The following LRRK1 variants were observed in gnomAD, a reference collection of about 807,000 sequenced individuals.
The protein encoded by LRRK1 is leucine rich repeat kinase 1.
A neutral mutation model predicts 209.1 loss-of-function variants in LRRK1; 113 were observed. The ratio of observed to expected loss-of-function variants is 0.54; its 90% CI spans 0.46 to 0.63. The LOEUF is 0.63. Ranked by LOEUF, LRRK1 falls within the 30% of genes least tolerant of loss-of-function variation. LRRK1 has a pLI of 0.00. For missense variants in LRRK1, 2,284 were observed against 2,632.2 expected, an observed-to-expected ratio of 0.87 and a Z score of 2.89; for synonymous variants, 1,144 against 1,099.7, an observed-to-expected ratio of 1.04 and a Z score of -0.80.
At chr15:101,037,065 AG>A in intron 20 of LRRK1, among the ~76,000 whole-genome samples, 1 of 152,284 alleles carries the variant, frequency 6.6e-6, no homozygotes, top group Non-Finnish European at 1.5e-5. Context: ...GGGTCCAGAC[AG>A]GCCTATTCTT....
At position 101,055,001 on chromosome 15, in the gene LRRK1, C is replaced by A. The variant is rs773680878; in HGVS notation, c.4110C>A (p.Ile1370=). The change falls in exon 27 of 34, where the codon ATC becomes ATA. Residue 1370 remains isoleucine (I), a synonymous_variant. Transcript: ENST00000388948. ...HMLTQKIAYQ[I]ASGLAYLHKK... ...TCACCCAAAAAATAGCCTACCAGAT[C>A]GCCTCGGGCCTGGCCTACCTGCACA... 2.5e-6 allele frequency: 4 copies of A among 1,613,700 alleles called. No homozygotes were observed. The highest frequency in any genetic ancestry group is 1.7e-5 in the Admixed American group (1 of 59,928).
At chr15:100,953,985 G>A (rs913217786) in intron 2 of LRRK1, among the ~76,000 whole-genome samples, 3 of 152,058 alleles carry the variant, frequency 2.0e-5, no homozygotes, top group Admixed American at 6.5e-5. Flanking sequence ...GCACAATCTC[G>A]GCTCACTGCA....
chr15:101,062,042 C>T (rs1331196825), intron 30 of LRRK1, among the ~76,000 whole-genome samples: 1 of 152,192 alleles, frequency 6.6e-6, no homozygotes, highest in South Asian at 2.1e-4. Flanking sequence ...ACAGATTAGC[C>T]GAAGTAGGTG....
intron 1 of LRRK1, among the ~76,000 whole-genome samples, chr15:100,922,269 T>C (rs2042033866): frequency 6.6e-6 from 1 of 152,178 alleles, no homozygotes; most frequent in African/African-American, 2.4e-5. Flanking sequence ...AAATTTGAAT[T>C]ACCTCATCTT....
intron 10 of LRRK1, among the ~76,000 whole-genome samples, chr15:101,012,725 G>A (rs576552912): frequency 1.3e-5 from 2 of 152,306 alleles, no homozygotes; most frequent in East Asian, 3.9e-4. Flanking sequence ...CCAAGGCCTG[G>A]TGCAGCCTCT....
At chr15:101,005,125 G>T (rs895405687) in intron 6 of LRRK1, among the ~76,000 whole-genome samples, 1 of 152,190 alleles carries the variant, frequency 6.6e-6, no homozygotes, top group African/African-American at 2.4e-5. Flanking sequence ...TCCATGTTCA[G>T]CTGTCTGGCC....
At chr15:101,038,243 T>C (rs1413042472) in intron 20 of LRRK1, among the ~76,000 whole-genome samples, 1 of 152,058 alleles carries the variant, frequency 6.6e-6, no homozygotes, top group East Asian at 1.9e-4. Context: ...GGATGAGAGA[T>C]AAAAAACTAC....
At chr15:101,047,105 CCTGA>C (rs2035122975) in intron 21 of LRRK1, among the ~76,000 whole-genome samples, 1 of 152,172 alleles carries the variant, frequency 6.6e-6, no homozygotes, top group Non-Finnish European at 1.5e-5. Flanking sequence ...TGGCATAATC[CCTGA>C]CTGTCAAATC....
intron 11 of LRRK1, among the ~76,000 whole-genome samples, chr15:101,015,031 A>G (rs2033461922): frequency 6.6e-6 from 1 of 152,352 alleles, no homozygotes; most frequent in South Asian, 2.1e-4. Flanking sequence ...GCCTTCCAAT[A>G]GGTGGAAAGC....
chr15:101,025,116 A>G, intron 16 of LRRK1, 149 bp downstream of exon 16: 1 of 710,006 alleles, frequency 1.4e-6, no homozygotes, highest in South Asian at 2.9e-5. Context: ...TGCTTTTCAC[A>G]GTGAGGCACT....
chr15:100,969,413 G>A (rs751670237), intron 2 of LRRK1, among the ~76,000 whole-genome samples: 4 of 152,044 alleles, frequency 2.6e-5, no homozygotes, highest in African/African-American at 4.8e-5. Context: ...GATAATCTCC[G>A]CTATGTTTTC....
rs989000367 is a variant in LRRK1, at chr15:101,055,243, G to T, written c.4332+20G>T. ...GAGAAGGTACGTGCCTGGATCCCCT[G>T]GCCCAGCCCCACAGTGTAGGAGCCC... On this transcript the variant is annotated intron_variant, in intron 27 of 33. Coordinates refer to ENST00000388948, the MANE Select transcript of LRRK1 (RefSeq NM_024652.6). 4 of 1,524,838 alleles carry T rather than the reference G, an allele frequency of 2.6e-6. No individual in the cohort carries two copies. Among genetic ancestry groups the T allele is most frequent in the Non-Finnish European group, 3.5e-6 (4 of 1,138,084 alleles). 94.5% of individuals were successfully genotyped at this position (1,524,838 alleles called of 1,614,324 possible). A position where few individuals can be genotyped will look rare whatever the true frequency, so the allele number is the denominator to read the frequency against.
In LRRK1 at chr15:101,015,323, C is replaced by G. The variant is rs199512110; in HGVS notation, c.1533-3C>G. The G allele has an allele frequency of 3.2e-5, 51 of 1,613,142 alleles. 1 individual carries two copies. The South Asian group carries it at 4.0e-4, about 13-fold the overall frequency. ...AAATTTTGTCTCTTTTTCCTCCCCC[C>G]AGAAATGAAGATGGACTGAAAACGA... On this transcript the variant is annotated splice_region_variant and splice_polypyrimidine_tract_variant and intron_variant, in intron 11 of 33. Coordinates refer to ENST00000388948, the MANE Select transcript of LRRK1 (RefSeq NM_024652.6).
At chr15:100,937,760 C>A (rs1265314512) in intron 2 of LRRK1, among the ~76,000 whole-genome samples, 1 of 151,922 alleles carries the variant, frequency 6.6e-6, no homozygotes, top group African/African-American at 2.4e-5. Flanking sequence ...TGGTCTCGAT[C>A]TCCTGACCTC....
At chr15:101,059,407 G>C (rs529344042) in intron 29 of LRRK1, among the ~76,000 whole-genome samples, 5 of 151,280 alleles carry the variant, frequency 3.3e-5, no homozygotes, top group Non-Finnish European at 7.4e-5. Flanking sequence ...CAGAAAAAAA[G>C]AGAAGTTATT....
At chr15:101,030,971 G>A (rs1410035153) in intron 20 of LRRK1, among the ~76,000 whole-genome samples, 1 of 152,132 alleles carries the variant, frequency 6.6e-6, no homozygotes, top group Non-Finnish European at 1.5e-5. Flanking sequence ...CATCCTGACA[G>A]CTTAGCTCTC....
chr15:101,066,619 T>G (rs764890068), intron 32 of LRRK1, 21 bp from the exon 33 acceptor site: 3 of 1,611,502 alleles, frequency 1.9e-6, no homozygotes, highest in East Asian at 4.5e-5. Flanking sequence ...TCGCTTCCCC[T>G]TCTGGGTTTT....
At chr15:100,971,294 A>G (rs908151629) in intron 2 of LRRK1, among the ~76,000 whole-genome samples, 2 of 150,948 alleles carry the variant, frequency 1.3e-5, no homozygotes, top group South Asian at 2.1e-4. Flanking sequence ...AGATCGCGCC[A>G]CTGCACACCA....
intron 12 of LRRK1, among the ~76,000 whole-genome samples, chr15:101,016,139 G>GC (rs2033529194): frequency 6.6e-6 from 1 of 151,900 alleles, no homozygotes; most frequent in Non-Finnish European, 1.5e-5. Flanking sequence ...ACAGGCATGT[G>GC]CCACCATGCC....
Sources: allele counts gnomAD v4.1 joint callset (sites outside exome capture counted in the v4.1 genomes callset), GRCh38; gene constraint gnomAD v4.1.1; transcripts MANE v1.5; gene names NCBI Gene and HGNC (gene_info 2026-07-23, HGNC 2026-07-21).